Variants in ACTR3C observed in about 807,000 individuals in gnomAD.
ACTR3C encodes actin-related protein 3C.
In ACTR3C, 18 loss-of-function variants were observed where a neutral mutation model predicts 26.3. The observed-to-expected ratio is 0.68, with a 90% CI of 0.47 to 1.01. The LOEUF (loss-of-function observed/expected upper bound fraction) is 1.01. Among genes scored for constraint, ACTR3C ranks in the 50% least tolerant of loss-of-function variants. The pLI is 0.00. For missense variants in ACTR3C, 184 were observed against 250.7 expected, an observed-to-expected ratio of 0.73 and a Z score of 1.80; for synonymous variants, 55 against 94.5, an observed-to-expected ratio of 0.58 and a Z score of 2.42.
the ACTR3C span, among the ~76,000 whole-genome samples, chr7:150,180,577 G>A: frequency 1.5e-3 from 222 of 144,482 alleles, 3 homozygotes; most frequent in Admixed American, 2.3e-3. Flanking sequence ...CAGTGGCGCG[G>A]TCTCGGCTCA....
the ACTR3C span, among the ~76,000 whole-genome samples, chr7:150,011,742 C>G: frequency 2.0e-5 from 3 of 152,042 alleles, no homozygotes; most frequent in Non-Finnish European, 4.4e-5. Context: ...TTCTGGGACT[C>G]GACATAAACA....
At chr7:150,094,554 T>G in the ACTR3C span, among the ~76,000 whole-genome samples, 6 of 150,640 alleles carry the variant, frequency 4.0e-5, no homozygotes, top group Non-Finnish European at 8.8e-5. Flanking sequence ...TAACTGTACC[T>G]GTCAGCACCC....
At chr7:149,942,709 G>A in the ACTR3C span, among the ~76,000 whole-genome samples, 17 of 150,290 alleles carry the variant, frequency 1.1e-4, no homozygotes, top group South Asian at 3.4e-3. Flanking sequence ...ATATCCCAGC[G>A]AAGTATGGAA....
chr7:150,088,447 C>G, the ACTR3C span, among the ~76,000 whole-genome samples: 1 of 152,084 alleles, frequency 6.6e-6, no homozygotes, highest in South Asian at 2.1e-4. Flanking sequence ...AAATGAAAGA[C>G]AGCAAAAAGG....
the ACTR3C span, among the ~76,000 whole-genome samples, chr7:150,039,462 C>A: frequency 8.9e-3 from 199 of 22,424 alleles, 2 homozygotes; most frequent in African/African-American, 0.011. Context: ...TGGGGGTACT[C>A]ACAGCCAGGG....
chr7:150,114,550 A>G, the ACTR3C span, among the ~76,000 whole-genome samples: 1 of 152,198 alleles, frequency 6.6e-6, no homozygotes, highest in East Asian at 1.9e-4. Flanking sequence ...TCCGAGGAAG[A>G]CGTGATTGCA....
chr7:150,027,047 G>A, the ACTR3C span, among the ~76,000 whole-genome samples: 1 of 152,082 alleles, frequency 6.6e-6, no homozygotes, highest in African/African-American at 2.4e-5. Flanking sequence ...AGGATTCAGA[G>A]CCAGGTGGTC....
chr7:150,261,579 A>G (rs545861740), intron 6 of ACTR3C, among the ~76,000 whole-genome samples: 105 of 152,360 alleles, frequency 6.9e-4, no homozygotes, highest in African/African-American at 2.3e-3. Context: ...GCACATGCCT[A>G]TAATCCCAGC....
chr7:150,070,943 C>T, the ACTR3C span, among the ~76,000 whole-genome samples: 2 of 147,958 alleles, frequency 1.4e-5, no homozygotes, highest in Admixed American at 1.3e-4. Context: ...TACAGGCGCC[C>T]GCCACCATGC....
the ACTR3C span, among the ~76,000 whole-genome samples, chr7:149,948,356 C>A: frequency 6.7e-6 from 1 of 149,362 alleles, no homozygotes; most frequent in Non-Finnish European, 1.5e-5. Context: ...TCTCTGGATC[C>A]CTGAATTCTC....
chr7:149,991,064 C>A, the ACTR3C span, among the ~76,000 whole-genome samples: 3 of 152,260 alleles, frequency 2.0e-5, no homozygotes, highest in Non-Finnish European at 4.4e-5. Context: ...ACTCACAGTT[C>A]CACATGGCTG....
At chr7:150,314,771 C>CAA (rs763541852) in intron 1 of ACTR3C, among the ~76,000 whole-genome samples, 2 of 90,356 alleles carry the variant, frequency 2.2e-5, no homozygotes, top group East Asian at 2.8e-4. Flanking sequence ...CCCATCTCTC[C>CAA]AAAAAAAAAA....
At chr7:149,899,875 T>A in the ACTR3C span, among the ~76,000 whole-genome samples, 1 of 117,368 alleles carries the variant, frequency 8.5e-6, no homozygotes, top group Non-Finnish European at 1.8e-5. Context: ...AAACACATTA[T>A]ACTCAAACTT....
At chr7:149,999,721 G>A in the ACTR3C span, among the ~76,000 whole-genome samples, 2 of 151,202 alleles carry the variant, frequency 1.3e-5, no homozygotes, top group Non-Finnish European at 2.9e-5. Context: ...TCCAAAGCAG[G>A]CTGTGCAGTG....
At chr7:150,015,369 C>T in the ACTR3C span, among the ~76,000 whole-genome samples, 86 of 152,272 alleles carry the variant, frequency 5.6e-4, 1 homozygote, top group South Asian at 0.017. Context: ...AGTAGGGAGA[C>T]GTCCCCAAGA....
At chr7:150,136,315 C>T in the ACTR3C span, among the ~76,000 whole-genome samples, 6 of 152,282 alleles carry the variant, frequency 3.9e-5, no homozygotes, top group South Asian at 6.2e-4. Flanking sequence ...ATGAGACACA[C>T]GTTTTCCAGA....
chr7:150,210,075 A>G, the ACTR3C span, among the ~76,000 whole-genome samples: 4 of 151,758 alleles, frequency 2.6e-5, no homozygotes, highest in African/African-American at 9.7e-5. Flanking sequence ...ATTTTCAGAA[A>G]CCCTTTAGCC....
At chr7:150,065,808 G>GTTGGATTAAAA in the ACTR3C span, among the ~76,000 whole-genome samples, 2 of 150,474 alleles carry the variant, frequency 1.3e-5, no homozygotes, top group Non-Finnish European at 3.0e-5. Context: ...ACTAAAACTG[G>GTTGGATTAAAA]CCAAACAAAT....
At chr7:150,118,967 A>AT in the ACTR3C span, among the ~76,000 whole-genome samples, 1 of 152,106 alleles carries the variant, frequency 6.6e-6, no homozygotes, top group Non-Finnish European at 1.5e-5. Flanking sequence ...TCAACCCAGA[A>AT]TTTCATATCC....
Sources: gnomAD v4.1 joint callset for allele counts (sites outside exome capture counted in the v4.1 genomes callset) on GRCh38, gnomAD v4.1.1 for gene constraint, MANE v1.5 for transcripts, NCBI Gene and HGNC (gene_info 2026-07-23, HGNC 2026-07-21) for gene names.